The following RYR3 variants were observed in gnomAD, a reference collection of about 807,000 sequenced individuals.
RYR3 encodes the protein ryanodine receptor 3, also known as brain ryanodine receptor-calcium release channel.
RYR3 carries 207 observed loss-of-function variants against 584.3 expected under a neutral mutation model. That is an observed-to-expected ratio of 0.35 (90% confidence interval 0.32 to 0.40). The LOEUF is 0.40. Ranked by LOEUF, RYR3 falls within the 10% of genes least tolerant of loss-of-function variation. RYR3 has a pLI of 1.00. For missense variants in RYR3, 5,616 were observed against 6,089.2 expected (o/e 0.92, Z 2.59); for synonymous variants, 2,416 against 2,248.5 (o/e 1.07, Z -2.11).
chr15:33,637,811 T>TA (rs2061575567), intron 27 of RYR3, among the ~76,000 whole-genome samples: 1 of 152,232 alleles, frequency 6.6e-6, no homozygotes, highest in Non-Finnish European at 1.5e-5. Flanking sequence ...TCTTTTTTTT[T>TA]ATTATTATAC....
Position 33,821,252 on chromosome 15 carries a change from G to T in RYR3, c.10816-18G>T. ...TGGGTAGGAACCAATCTTTCCCTGTGATTTTTTTTCCCCCCAGGAGAAAGA... is the reference window on the plus strand; with the variant it reads ...TGGGTAGGAACCAATCTTTCCCTGTTATTTTTTTTCCCCCCAGGAGAAAGA... On this transcript the variant is annotated intron_variant, in intron 78 of 103. Transcript: ENST00000634891. The T allele has an allele frequency of 6.7e-7, 1 of 1,495,550 alleles. No homozygotes were observed. Among genetic ancestry groups the T allele is most frequent in the South Asian group, 1.2e-5 (1 of 82,254 alleles). 92.6% of individuals were successfully genotyped at this position (1,495,550 alleles called of 1,614,324 possible).
chr15:33,736,391 T>C lies in RYR3; in HGVS notation c.7515+66T>C, dbSNP rs962390101. On this transcript the variant is annotated intron_variant, in intron 49 of 103. Transcript: ENST00000634891. ...AGGAAACTTGCCTTGTAATATGTGATGTCTTCACAATTTAGAAGGAAAAAT... is the reference window on the plus strand; with the variant it reads ...AGGAAACTTGCCTTGTAATATGTGACGTCTTCACAATTTAGAAGGAAAAAT... The C allele has an allele frequency of 1.0e-5, 11 of 1,062,686 alleles. No homozygotes were observed. The African/African-American group carries it at 1.7e-4, about 17-fold the overall frequency. The allele number at this position is 1,062,686 out of a possible 1,614,324, so 65.8% of individuals were successfully genotyped here.
intron 5 of RYR3, among the ~76,000 whole-genome samples, chr15:33,535,463 C>T (rs750757166): frequency 6.6e-6 from 1 of 152,156 alleles, no homozygotes; most frequent in Non-Finnish European, 1.5e-5. Context: ...TTGTTTTCAG[C>T]CAAAGTGTTA....
At position 33,652,803 on chromosome 15, in the gene RYR3, G is replaced by C. The variant is rs1193707190; in HGVS notation, c.4228G>C (p.Glu1410Gln). Reference sequence around the variant, plus strand: ...ATCAAATCGGAGCAACGTGGACCTGGAGATCGGCTGTCTCGTGGATCTGGC... The same window carrying C: ...ATCAAATCGGAGCAACGTGGACCTGCAGATCGGCTGTCTCGTGGATCTGGC... ...QRSNRSNVDL[E>Q]IGCLVDLAMG... Residue 1410 changes from glutamate (E) to glutamine (Q), a missense_variant, in exon 32 of 104, where the codon GAG becomes CAG. This residue lies in a region of RYR3 where 753 missense variants were observed against 741.0 expected (regional missense o/e 1.02). Transcript: ENST00000634891. 6.2e-7 allele frequency: 1 copy of C among 1,613,956 alleles called. No individual in the cohort carries two copies.
intron 2 of RYR3, among the ~76,000 whole-genome samples, chr15:33,484,694 A>G (rs1472097397): frequency 1.3e-5 from 2 of 152,184 alleles, no homozygotes; most frequent in Non-Finnish European, 2.9e-5. Context: ...CTAGAGTTAT[A>G]GGTTTTAGCT....
intron 60 of RYR3, among the ~76,000 whole-genome samples, chr15:33,758,991 C>A (rs1016231258): frequency 2.6e-5 from 4 of 152,174 alleles, no homozygotes; most frequent in African/African-American, 9.7e-5. Flanking sequence ...GCTGGTGATA[C>A]CCAGGCAAAC....
intron 91 of RYR3, among the ~76,000 whole-genome samples, chr15:33,842,406 A>C (rs1475574663): frequency 1.3e-5 from 2 of 152,216 alleles, no homozygotes; most frequent in Non-Finnish European, 2.9e-5. Context: ...ATCAGAAAGA[A>C]TGTTCCTCTT....
chr15:33,315,169 C>G (rs569087019), intron 1 of RYR3, among the ~76,000 whole-genome samples: 1 of 152,286 alleles, frequency 6.6e-6, no homozygotes, highest in Non-Finnish European at 1.5e-5. Context: ...GTGCCCAGGA[C>G]AAATTCCTGA....
chr15:33,661,242 A>T (rs1175211116), intron 34 of RYR3, among the ~76,000 whole-genome samples: 1 of 152,162 alleles, frequency 6.6e-6, no homozygotes, highest in Non-Finnish European at 1.5e-5. Context: ...CAGAGATTAG[A>T]GCCGAGGCCC....
chr15:33,636,169 G>C (rs1367926218), intron 26 of RYR3, among the ~76,000 whole-genome samples: 1 of 152,132 alleles, frequency 6.6e-6, no homozygotes, highest in Non-Finnish European at 1.5e-5. Flanking sequence ...CCATAGCTGT[G>C]ACTAGAAATC....
intron 3 of RYR3, among the ~76,000 whole-genome samples, chr15:33,510,737 G>T (rs996440905): frequency 1.3e-5 from 2 of 151,842 alleles, no homozygotes; most frequent in Non-Finnish European, 2.9e-5. Flanking sequence ...TAAATGAGAG[G>T]CCTCCAAACT....
chr15:33,349,454 T>C (rs1391220928), intron 1 of RYR3, among the ~76,000 whole-genome samples: 1 of 152,176 alleles, frequency 6.6e-6, no homozygotes, highest in East Asian at 1.9e-4. Context: ...ATGTCAGTTT[T>C]CTGAATTTAT....
chr15:33,484,838 T>G (rs1341736319), intron 2 of RYR3, among the ~76,000 whole-genome samples: 2 of 152,132 alleles, frequency 1.3e-5, no homozygotes. Context: ...CTGTAAGACA[T>G]CCAACAGAAA....
At chr15:33,414,706 G>A (rs768521120) in intron 1 of RYR3, among the ~76,000 whole-genome samples, 5 of 152,100 alleles carry the variant, frequency 3.3e-5, no homozygotes, top group Admixed American at 6.5e-5. Flanking sequence ...CTGGGTTCAC[G>A]CCATTCCCGC....
chr15:33,314,090 C>T (rs549038960), intron 1 of RYR3, among the ~76,000 whole-genome samples: 1 of 152,298 alleles, frequency 6.6e-6, no homozygotes, highest in South Asian at 2.1e-4. Context: ...TAAACAAGGG[C>T]TTTGGAAGCT....
chr15:33,775,989 A>G (rs966806146), intron 64 of RYR3, among the ~76,000 whole-genome samples: 3 of 152,166 alleles, frequency 2.0e-5, no homozygotes, highest in Non-Finnish European at 4.4e-5. Context: ...ACATTTTCCA[A>G]TTTTAGCATA....
intron 20 of RYR3, among the ~76,000 whole-genome samples, chr15:33,627,447 A>G (rs1454216762): frequency 1.3e-5 from 2 of 152,138 alleles, no homozygotes; most frequent in East Asian, 3.9e-4. Flanking sequence ...GCAGGAGGAT[A>G]AACGTTGAAG....
At chr15:33,704,694 A>G (rs533122428) in intron 42 of RYR3, among the ~76,000 whole-genome samples, 143 of 152,356 alleles carry the variant, frequency 9.4e-4, no homozygotes, top group African/African-American at 2.9e-3. Flanking sequence ...CAATGCCACA[A>G]GGTTTTGAAC....
At position 33,841,931 on chromosome 15, in the gene RYR3, G is replaced by A. The variant is rs774952491; in HGVS notation, c.13105G>A (p.Val4369Met). ...EEQAEYLWTE[V>M]TKKKKRRCGQ... ...GCAAGCTGAGTACCTGTGGACAGAA[G>A]TGACAAAAAAGAAGAAGCGGCGGTG... is the stretch of plus-strand genomic sequence containing the variant. Residue 4369 changes from valine to methionine, a missense_variant, in exon 91 of 104, where the codon GTG becomes ATG. Coordinates refer to ENST00000634891, the MANE Select transcript of RYR3 (RefSeq NM_001036.6). The A allele has an allele frequency of 2.6e-5, 42 of 1,599,656 alleles. No homozygotes were observed. The East Asian group carries it at 9.4e-4, about 36-fold the overall frequency.
Sources: gnomAD v4.1 joint callset for allele counts (sites outside exome capture counted in the v4.1 genomes callset) on GRCh38, gnomAD v4.1.1 for gene constraint, gnomAD v4.1.1 regional missense constraint, MANE v1.5 for transcripts, NCBI Gene and HGNC (gene_info 2026-07-23, HGNC 2026-07-21) for gene names.